The following VMP1 variants were observed in gnomAD, a reference collection of about 807,000 sequenced individuals.
VMP1 encodes ectopic P-granules autophagy protein 3 homolog.
In VMP1, 11 loss-of-function variants were observed where a neutral mutation model predicts 56.0. That is an observed-to-expected ratio of 0.20 (90% confidence interval 0.12 to 0.32). The LOEUF (loss-of-function observed/expected upper bound fraction) is 0.32. VMP1 is among the 10% of genes least tolerant of loss of function. VMP1 has a pLI of 1.00. For synonymous variants in VMP1, 149 were observed against 165.0 expected, an observed-to-expected ratio of 0.90 and a Z score of 0.74; for missense variants, 296 against 490.3, an observed-to-expected ratio of 0.60 and a Z score of 3.74.
chr17:59,834,567 G>A (rs1412060656), intron 10 of VMP1, among the ~76,000 whole-genome samples: 1 of 133,556 alleles, frequency 7.5e-6, no homozygotes, highest in Admixed American at 7.7e-5. Context: ...TCAAGCGATT[G>A]TCCCATCTCA....
chr17:59,725,551 CAAAAAA>C (rs78026893), intron 1 of VMP1, among the ~76,000 whole-genome samples: 2 of 112,458 alleles, frequency 1.8e-5, no homozygotes, highest in South Asian at 5.3e-4. Flanking sequence ...GTCAAAATGC[CAAAAAA>C]AAAAAAAAAA....
At chr17:59,743,580 C>A (rs8081127) in intron 5 of VMP1, among the ~76,000 whole-genome samples, 18,133 of 146,594 alleles carry the variant, frequency 0.12, 1,106 homozygotes, top group African/African-American at 0.15. Flanking sequence ...CTCTCTCTCT[C>A]TATATATATA....
intron 7 of VMP1, among the ~76,000 whole-genome samples, chr17:59,799,688 C>T (rs2645491): frequency 0.25 from 38,244 of 151,936 alleles, 5,182 homozygotes; most frequent in East Asian, 0.44. Context: ...CTTGGCCGGG[C>T]GCAGTGGCTC....
chr17:59,782,605 A>T (rs1158118032), intron 7 of VMP1, among the ~76,000 whole-genome samples: 3 of 152,200 alleles, frequency 2.0e-5, no homozygotes, highest in African/African-American at 4.8e-5. Context: ...GCTCGTAGAT[A>T]ACATGTATTT....
chr17:59,722,537 A>G (rs569292762), intron 1 of VMP1, among the ~76,000 whole-genome samples: 16 of 152,222 alleles, frequency 1.1e-4, no homozygotes, highest in African/African-American at 3.9e-4. Flanking sequence ...TGTACTCCCA[A>G]TTTGATTAGA....
chr17:59,711,072 C>CAAAAA (rs34793194), intron 1 of VMP1, among the ~76,000 whole-genome samples: 1 of 126,068 alleles, frequency 7.9e-6, no homozygotes. Flanking sequence ...GACTCCATCT[C>CAAAAA]AAAAAAAAAA....
rs1352057785 is a variant in VMP1 at position 59,773,871 on chromosome 17, G to A, written c.700G>A (p.Ala234Thr). Residue 234 changes from alanine to threonine, a missense_variant, in exon 7 of 12, where the codon GCA becomes ACA. Ala to Thr is a moderately conservative substitution (Grantham distance 58). Coordinates refer to ENST00000262291, the MANE Select transcript of VMP1 (RefSeq NM_030938.5). The stretch of plus-strand genomic sequence containing the variant: ...GGAATTTGAAGAGATGCTGGAACAT[G>A]CAGAGTCTGCACAAGTAAGAACAGT... ...YQEFEEMLEH[A>T]ESAQDFASRA... 3 of 1,612,028 alleles carry A rather than the reference G, an allele frequency of 1.9e-6. No individual in the cohort carries two copies. The highest frequency in any genetic ancestry group is 1.7e-5 in the Admixed American group (1 of 59,616).
chr17:59,756,059 A>G (rs1380106531), intron 5 of VMP1, among the ~76,000 whole-genome samples: 1 of 152,192 alleles, frequency 6.6e-6, no homozygotes, highest in Admixed American at 6.6e-5. Context: ...TGTAGAGACC[A>G]GAGGCATAAC....
chr17:59,762,327 G>A (rs12453785), intron 5 of VMP1, among the ~76,000 whole-genome samples: 2 of 151,616 alleles, frequency 1.3e-5, no homozygotes, highest in African/African-American at 2.4e-5. Context: ...TAGCTGTTTG[G>A]GTCTTTACCC....
chr17:59,787,846 AATTAATTT>A (rs2037060562), intron 7 of VMP1, among the ~76,000 whole-genome samples: 1 of 151,854 alleles, frequency 6.6e-6, no homozygotes, highest in Non-Finnish European at 1.5e-5. Context: ...TTAGTTAATT[AATTAATTT>A]AGTGAAAACT....
intron 10 of VMP1, among the ~76,000 whole-genome samples, chr17:59,826,663 C>CA (rs1009297294): frequency 2.8e-4 from 42 of 152,302 alleles, no homozygotes; most frequent in Non-Finnish European, 4.1e-4. Flanking sequence ...ATATCCATAA[C>CA]AAAACCTGTT....
chr17:59,800,243 A>G (rs543229882), intron 7 of VMP1, among the ~76,000 whole-genome samples: 47 of 152,340 alleles, frequency 3.1e-4, no homozygotes, highest in African/African-American at 1.0e-3. Flanking sequence ...TGTATAATGT[A>G]TTTCATTTTA....
At chr17:59,839,444 C>G in intron 11 of VMP1, 1 of 266,258 alleles carries the variant, frequency 3.8e-6, no homozygotes, top group Non-Finnish European at 7.1e-6. Context: ...TGACAATACT[C>G]ATGAGTATCT....
At chr17:59,813,793 G>T (rs1441458713) in intron 9 of VMP1, among the ~76,000 whole-genome samples, 1 of 152,062 alleles carries the variant, frequency 6.6e-6, no homozygotes, top group African/African-American at 2.4e-5. Flanking sequence ...TAATCCATAA[G>T]TTTTATGTGT....
chr17:59,725,567 A>AG (rs1184206168), intron 1 of VMP1, among the ~76,000 whole-genome samples: 5 of 150,686 alleles, frequency 3.3e-5, no homozygotes, highest in South Asian at 2.1e-4. Flanking sequence ...AAAAAAAAAA[A>AG]GGGTTTTGAT....
intron 6 of VMP1, among the ~76,000 whole-genome samples, chr17:59,772,950 C>CTTTTT (rs1179269248): frequency 0.013 from 722 of 55,718 alleles, 188 homozygotes; most frequent in African/African-American, 0.031. Flanking sequence ...CTGGTGAATT[C>CTTTTT]TTTTTTTTTT....
At chr17:59,753,181 T>C (rs564832739) in intron 5 of VMP1, among the ~76,000 whole-genome samples, 1 of 151,912 alleles carries the variant, frequency 6.6e-6, no homozygotes, top group Non-Finnish European at 1.5e-5. Flanking sequence ...AGGTGGAGGT[T>C]GAGGCCAAGG....
chr17:59,838,244 T>C (rs914235505), intron 10 of VMP1, 51 bp from the exon 11 acceptor site: 12 of 1,530,028 alleles, frequency 7.8e-6, no homozygotes, highest in Non-Finnish European at 1.1e-5. Flanking sequence ...TTTTTCCTGC[T>C]TTTCTTCCCA....
In VMP1 at chr17:59,766,822, C is replaced by T. The variant is rs147298794; in HGVS notation, c.582+1684C>T. The stretch of plus-strand genomic sequence containing the variant: ...TTTGAGACAGTCTTGCTCTGTCGCC[C>T]GGGCTAAAGTGTGGTAGCGCAATCT... On this transcript the variant is annotated intron_variant, in intron 6 of 11. Transcript: ENST00000262291. Among the ~76,000 whole-genome samples the T allele has an allele frequency of 8.3e-4, 126 of 151,952 alleles. No individual in the cohort carries two copies. In the Middle Eastern group the frequency reaches 0.01, roughly 12 times the overall value.
Sources: allele counts gnomAD v4.1 joint callset (sites outside exome capture counted in the v4.1 genomes callset), GRCh38; gene constraint gnomAD v4.1.1; transcripts MANE v1.5; gene names NCBI Gene and HGNC (gene_info 2026-07-23, HGNC 2026-07-21).